Variants in IGSF1 observed in about 807,000 individuals in gnomAD.
IGSF1 encodes the protein immunoglobulin-like domain-containing protein 1.
IGSF1 carries 40 observed loss-of-function variants against 95.3 expected under a neutral mutation model. The ratio of observed to expected loss-of-function variants is 0.42; its 90% CI spans 0.33 to 0.55. The LOEUF is 0.55. Among genes scored for constraint, IGSF1 ranks in the 20% least tolerant of loss-of-function variants. IGSF1 has a pLI of 0.10. For missense variants in IGSF1, 906 were observed against 1,025.4 expected (o/e 0.88, Z 1.59); for synonymous variants, 372 against 382.9 (o/e 0.97, Z 0.33).
intron 9 of IGSF1, 154 bp downstream of exon 9, chrX:131,281,064 G>A (rs1002943178): frequency 3.8e-5 from 22 of 574,861 alleles, no homozygotes; most frequent in Non-Finnish European, 5.6e-5. Context: ...TCTGTGAGGC[G>A]AAAGAGACAG....
intron 1 of IGSF1, 142 bp downstream of exon 1, chrX:131,289,072 G>C: frequency 3.1e-6 from 1 of 320,644 alleles, no homozygotes; most frequent in Non-Finnish European, 6.1e-6. Flanking sequence ...GGAATGAAGC[G>C]GGTGGGGGGA....
chrX:131,277,831 C>T lies in IGSF1; in HGVS notation c.2320+25G>A, dbSNP rs190391033. 74 of 1,160,160 alleles carry T rather than the reference C, an allele frequency of 6.4e-5. No individual in the cohort carries two copies. The Admixed American group carries it at 1.6e-3, about 26-fold the overall frequency. On this transcript the variant is annotated intron_variant, in intron 13 of 19. Transcript: ENST00000361420. ...CCTTTCCCTCCACCCTGCCCCCTTT[C>T]CTCCCACACCCTTTTCAGCTCTACC...
At chrX:131,284,300 G>C (rs892025936) in intron 5 of IGSF1, 4 of 159,819 alleles carry the variant, frequency 2.5e-5, no homozygotes, top group Non-Finnish European at 3.1e-5. Context: ...GAGGCACAGA[G>C]AGAAGCATTA....
rs2080522659 is a variant in IGSF1, at chrX:131,279,313, C to T, written c.1675G>A (p.Gly559Arg). The T allele has an allele frequency of 8.3e-7, 1 of 1,211,075 alleles. No homozygotes were observed. The highest frequency in any genetic ancestry group is 1.1e-6 in the Non-Finnish European group (1 of 894,976). ...REAWLLGTAQ[G>R]VTMLFIVTAL... ...GTGACTATGAAGAGCATGGTGACCCCTTGAGCTGTTCCCAGCAACCAGGCT... is the reference window on the plus strand; with the variant it reads ...GTGACTATGAAGAGCATGGTGACCCTTTGAGCTGTTCCCAGCAACCAGGCT... Residue 559 changes from glycine (G) to arginine (R), a missense_variant, in exon 10 of 20, where the codon GGG becomes AGG. By Grantham distance (125) the Gly-to-Arg change is moderately radical. This residue lies in a region of IGSF1 where 442 missense variants were observed against 448.1 expected (regional missense o/e 0.99). Coordinates refer to ENST00000361420, the MANE Select transcript of IGSF1 (RefSeq NM_001555.5).
At position 131,273,594 on chromosome X, in the gene IGSF1, G is replaced by T; in HGVS notation, c.*202C>A. ...TGCGCCAGTAAATCAGTACAGTGAG[G>T]AGTTACAGGGGTGGGGAACCTCTCT... On this transcript the variant is annotated 3_prime_UTR_variant, in exon 20 of 20. Coordinates refer to ENST00000361420, the MANE Select transcript of IGSF1 (RefSeq NM_001555.5). The T allele has an allele frequency of 2.3e-6, 1 of 427,739 alleles. No individual in the cohort carries two copies. The highest frequency in any genetic ancestry group is 4.1e-6 in the Non-Finnish European group (1 of 243,444). 35.3% of individuals were successfully genotyped at this position (427,739 alleles called of 1,213,427 possible).
chrX:131,281,335 T>A lies in IGSF1; in HGVS notation c.1529A>T (p.Tyr510Phe). The A allele has an allele frequency of 8.3e-7, 1 of 1,211,398 alleles. No homozygotes were observed. The highest frequency in any genetic ancestry group is 1.1e-6 in the Non-Finnish European group (1 of 895,170). Residue 510 changes from tyrosine to phenylalanine, a missense_variant, in exon 9 of 20, where the codon TAT (tyrosine) becomes TTT (phenylalanine). Transcript: ENST00000361420. ...EPLKLMGPAG[Y>F]LTWNYVLNEA... ...ATTCAGAACGTAATTCCAGGTGAGA[T>A]AGCCTGTGGCCAGAGAAGACCAGAA... is the stretch of plus-strand genomic sequence containing the variant.
Position 131,274,926 on chromosome X carries a change from C to T in IGSF1, c.3473-49G>A, listed in dbSNP as rs758376599. On this transcript the variant is annotated intron_variant, in intron 17 of 19. Transcript: ENST00000361420. ...TTAAAAGAAATGATCCTGAACTTAG[C>T]CTTTTACCCCCTTATTGCTTACTGC... The T allele has an allele frequency of 3.3e-6, 4 of 1,195,129 alleles. No individual in the cohort carries two copies. In the Middle Eastern group the frequency reaches 7.0e-4, roughly 209 times the overall value.
At position 131,276,111 on chromosome X, in the gene IGSF1, G is replaced by A; in HGVS notation, c.2746C>T (p.Gln916Ter). 1 of 1,211,097 alleles carries A rather than the reference G, an allele frequency of 8.3e-7. No homozygotes were observed. The highest frequency in any genetic ancestry group is 1.1e-6 in the Non-Finnish European group (1 of 895,225). ...GAGTTCCCTGAGACACTCCGAAACTGTAAGGGAACATGGGCTCCCTCCTGC... is the reference window on the plus strand; with the variant it reads ...GAGTTCCCTGAGACACTCCGAAACTATAAGGGAACATGGGCTCCCTCCTGC... ...LLQEGAHVPLQFRSVSGNSAD... is the reference protein window; with the variant it reads ...LLQEGAHVPL Residue 916 changes from glutamine (Q) to a stop codon, truncating the protein, a stop_gained, in exon 15 of 20, where the codon CAG becomes TAG. Transcript: ENST00000361420. LOFTEE classifies it high-confidence loss of function.
At chrX:131,282,000 C>T in intron 7 of IGSF1, 56 bp from the exon 8 acceptor site, 2 of 1,062,727 alleles carry the variant, frequency 1.9e-6, no homozygotes, top group Non-Finnish European at 2.5e-6. Context: ...GTACCCTCTC[C>T]CCCAGAAAAT....
chrX:131,274,335 A>AG, intron 18 of IGSF1, 129 bp from the exon 19 acceptor site: 1 of 897,140 alleles, frequency 1.1e-6, no homozygotes, highest in African/African-American at 2.0e-5. Context: ...CAGACTACAG[A>AG]GGGGGTGGGC....
At chrX:131,275,332 G>T (rs2080461173) in intron 16 of IGSF1, 46 bp from the exon 17 acceptor site, 2 of 1,170,615 alleles carry the variant, frequency 1.7e-6, no homozygotes, top group East Asian at 3.0e-5. Flanking sequence ...TCACTTTCCA[G>T]TGCATCACCC....
chrX:131,286,787 A>G, intron 1 of IGSF1, 46 bp from the exon 2 acceptor site: 1 of 607,407 alleles, frequency 1.6e-6, no homozygotes, highest in Admixed American at 4.8e-5. Context: ...CCTGCTCCTT[A>G]AAGTTTAGTT....
chrX:131,275,942 A>C lies in IGSF1; in HGVS notation c.2896+19T>G. 8.3e-7 allele frequency: 1 copy of C among 1,203,092 alleles called. No individual in the cohort carries two copies. Among genetic ancestry groups the C allele is most frequent in the South Asian group, 1.8e-5 (1 of 55,881 alleles). On this transcript the variant is annotated intron_variant, in intron 15 of 19. Transcript: ENST00000361420. ...CTCCAATGATCTCCATCCCAGTCCC[A>C]TGTCCGGTCGGTCCTTACCAGTCAC...
chrX:131,286,843 C>T (rs760528570), intron 1 of IGSF1, 102 bp from the exon 2 acceptor site: 17 of 387,882 alleles, frequency 4.4e-5, no homozygotes, highest in Middle Eastern at 1.3e-3. Context: ...TACTTCCTCA[C>T]AGGCATGCAG....
intron 1 of IGSF1, 192 bp downstream of exon 1, chrX:131,289,022 C>T (rs745722135): frequency 1.1e-5 from 3 of 274,852 alleles, no homozygotes; most frequent in African/African-American, 5.7e-5. Context: ...AGATTCTCAC[C>T]GAGGCAGGTC....
rs181816563 is a variant in IGSF1 at position 131,282,722 on chromosome X, G to C, written c.968C>G (p.Thr323Ser). Residue 323 changes from threonine to serine, a missense_variant, in exon 7 of 20, where the codon ACC (threonine) becomes AGC (serine). Thr to Ser is a moderately conservative substitution (Grantham distance 58). Around this residue, in one of 5 missense-constraint regions of IGSF1, gnomAD observed 442 missense variants for 448.1 expected, o/e 0.99. Transcript: ENST00000361420. Reference sequence around the variant, plus strand: ...AGCACTGGGCCGAGCAAGTAGCCAGGTCTTGGGGAAAGTGTCTAGGATGAG... The same window carrying C: ...AGCACTGGGCCGAGCAAGTAGCCAGCTCTTGGGGAAAGTGTCTAGGATGAG... Reference protein sequence around the residue: ...KIWVTDTFPKTWLLARPSAVV... With the variant: ...KIWVTDTFPKSWLLARPSAVV... 2 of 1,203,643 alleles carry C rather than the reference G, an allele frequency of 1.7e-6. No homozygotes were observed. Among genetic ancestry groups the C allele is most frequent in the Non-Finnish European group, 2.2e-6 (2 of 891,057 alleles).
rs1195262738 is a variant in IGSF1 at position 131,282,688 on chromosome X, T to C, written c.1002A>G (p.Gln334=). The C allele has an allele frequency of 8.3e-7, 1 of 1,211,196 alleles. No homozygotes were observed. The highest frequency in any genetic ancestry group is 1.8e-5 in the South Asian group (1 of 56,959). ...ACCGTAGGCTCACATTCTGACCCAT[T>C]TGGACCACAGCACTGGGCCGAGCAA... ...WLLARPSAVV[Q]MGQNVSLRCR... is the part of the protein sequence containing the mutation. The change falls in exon 7 of 20, where the codon CAA becomes CAG. Residue 334 remains glutamine (Q), a synonymous_variant. Transcript: ENST00000361420.
intron 3 of IGSF1, 29 bp from the exon 4 acceptor site, chrX:131,286,077 G>T: frequency 8.7e-7 from 1 of 1,144,115 alleles, no homozygotes; most frequent in Non-Finnish European, 1.2e-6. Context: ...AAAAAGATAT[G>T]AGCAGTCCAA....
chrX:131,277,887 C>T lies in IGSF1; in HGVS notation c.2289G>A (p.Glu763=). 8.3e-7 allele frequency: 1 copy of T among 1,210,759 alleles called. No individual in the cohort carries two copies. Among genetic ancestry groups the T allele is most frequent in the Non-Finnish European group, 1.1e-6 (1 of 895,440 alleles). Residue 763 remains glutamate, a synonymous_variant, in exon 13 of 20, where the codon GAG becomes GAA. Transcript: ENST00000361420. The part of the protein sequence containing the change: ...HTEKRPFKWS[E]PSEPLELVIK... Reference sequence around the variant, plus strand: ...TGACAAGCTCCAGCGGCTCACTGGGCTCAGACCACTTGAAGGGGCGTTTTT... The same window carrying T: ...TGACAAGCTCCAGCGGCTCACTGGGTTCAGACCACTTGAAGGGGCGTTTTT...
Sources: allele counts gnomAD v4.1 joint callset, GRCh38; gene constraint gnomAD v4.1.1; regional missense constraint gnomAD v4.1.1; transcripts MANE v1.5; gene names NCBI Gene and HGNC (gene_info 2026-07-23, HGNC 2026-07-21).